The following ARFGEF1 variants were observed in gnomAD, a reference collection of about 807,000 sequenced individuals.
ARFGEF1 encodes ARF guanine nucleotide exchange factor 1, also known as brefeldin A-inhibited guanine nucleotide-exchange protein 1.
A neutral mutation model predicts 231.0 loss-of-function variants in ARFGEF1; 42 were observed. That is an observed-to-expected ratio of 0.18 (90% CI 0.14 to 0.24). The LOEUF is 0.24. Among genes scored for constraint, ARFGEF1 ranks in the 10% least tolerant of loss-of-function variants. The probability of loss-of-function intolerance (pLI) is 1.00; values close to 1 mark genes in which losing one functional copy is unlikely to be tolerated. For synonymous variants in ARFGEF1, 710 were observed against 732.3 expected (o/e 0.97, Z 0.49); for missense variants, 1,345 against 2,192.0 (o/e 0.61, Z 7.72).
At position 67,181,703 on chromosome 8, in the gene ARFGEF1, T is replaced by G. The variant is rs528808609; in HGVS notation, c.561-6131A>C. 2.4e-4 allele frequency among the ~76,000 whole-genome samples: 37 copies of G among 152,288 alleles called. 1 individual carries two copies. The South Asian group carries it at 5.6e-3, about 23-fold the overall frequency. ...ATACACATAAACATAACATTTACCA[T>G]TTTAACCATTTTAAAGTGTACATTG... On this transcript the variant is annotated intron_variant, in intron 5 of 5. Transcript: ENST00000518789.
intron 34 of ARFGEF1, among the ~76,000 whole-genome samples, chr8:67,211,131 G>A (rs919616153): frequency 6.6e-5 from 10 of 151,304 alleles, no homozygotes; most frequent in African/African-American, 2.4e-4. Context: ...AGATCACAAG[G>A]TCAGGAGTTC....
intron 22 of ARFGEF1, among the ~76,000 whole-genome samples, chr8:67,234,206 T>C (rs1341582640): frequency 1.3e-5 from 2 of 152,108 alleles, no homozygotes; most frequent in East Asian, 3.9e-4. Context: ...TTCTAGGAAC[T>C]GAATGATGTG....
intron 7 of ARFGEF1, among the ~76,000 whole-genome samples, chr8:67,283,836 C>T (rs1016350895): frequency 1.3e-5 from 2 of 152,120 alleles, no homozygotes; most frequent in Non-Finnish European, 2.9e-5. Flanking sequence ...TCTTTTAGTA[C>T]TACCAGCTGT....
At chr8:67,265,577 T>C (rs1014560689) in intron 14 of ARFGEF1, among the ~76,000 whole-genome samples, 1 of 152,026 alleles carries the variant, frequency 6.6e-6, no homozygotes, top group Non-Finnish European at 1.5e-5. Flanking sequence ...CATCAACATA[T>C]AAAAATGAAA....
intron 1 of ARFGEF1, among the ~76,000 whole-genome samples, chr8:67,306,488 C>T (rs561192553): frequency 2.0e-5 from 3 of 152,150 alleles, no homozygotes; most frequent in Admixed American, 6.5e-5. Context: ...CGAGTTATAC[C>T]TGATCTCCTA....
chr8:67,292,508 A>G (rs1254676686), intron 5 of ARFGEF1, among the ~76,000 whole-genome samples: 1 of 152,156 alleles, frequency 6.6e-6, no homozygotes, highest in Non-Finnish European at 1.5e-5. Flanking sequence ...ATGGAAAACA[A>G]GAGTGGGAGG....
intron 4 of ARFGEF1, 126 bp from the exon 5 acceptor site, chr8:67,296,736 G>C (rs1030213137): frequency 1.4e-6 from 1 of 691,466 alleles, no homozygotes. Flanking sequence ...CTGCAGCCTT[G>C]AACTCCTGGA....
chr8:67,282,526 T>C (rs1467952149), intron 7 of ARFGEF1, among the ~76,000 whole-genome samples: 1 of 152,084 alleles, frequency 6.6e-6, no homozygotes, highest in Non-Finnish European at 1.5e-5. Flanking sequence ...TCTTAAAAAT[T>C]TTTTTTGTGG....
intron 7 of ARFGEF1, among the ~76,000 whole-genome samples, chr8:67,279,591 T>C (rs1232487779): frequency 6.6e-6 from 1 of 152,216 alleles, no homozygotes; most frequent in African/African-American, 2.4e-5. Flanking sequence ...TATTTGATAT[T>C]ACTTTCCTCC....
intron 19 of ARFGEF1, among the ~76,000 whole-genome samples, chr8:67,248,177 G>A (rs1840164114): frequency 6.7e-6 from 1 of 149,504 alleles, no homozygotes; most frequent in African/African-American, 2.5e-5. Flanking sequence ...ACCCAGAATA[G>A]CCAAAGCTAT....
intron 5 of ARFGEF1, among the ~76,000 whole-genome samples, chr8:67,184,713 G>A (rs1833949861): frequency 6.8e-6 from 1 of 147,104 alleles, no homozygotes; most frequent in Non-Finnish European, 1.5e-5. Flanking sequence ...GACAGAGTGA[G>A]ATTCTGTCTA....
chr8:67,269,542 G>A (rs1056237956), intron 10 of ARFGEF1, among the ~76,000 whole-genome samples: 1 of 151,576 alleles, frequency 6.6e-6, no homozygotes, highest in Non-Finnish European at 1.5e-5. Context: ...GTAGAGATGG[G>A]GTTTCTCCAT....
At position 67,292,109 on chromosome 8, in the gene ARFGEF1, T is replaced by C. The variant is rs1806034809; in HGVS notation, c.654A>G (p.Lys218=). 1.9e-6 allele frequency: 3 copies of C among 1,611,406 alleles called. No individual in the cohort carries two copies. The South Asian group carries it at 3.3e-5, about 18-fold the overall frequency. The change falls in exon 6 of 39, where the codon AAA becomes AAG. Residue 218 remains lysine, a synonymous_variant. Coordinates refer to ENST00000262215, the MANE Select transcript of ARFGEF1 (RefSeq NM_006421.5). ...GCCGATGCCTTTCTTTTTCCATTTG[T>C]TTTGCTTCCTGTAACTGGAAATAAA... ...RMENQALQEA[K]QMEKERHRQH... is the part of the protein sequence containing the mutation.
intron 1 of ARFGEF1, among the ~76,000 whole-genome samples, chr8:67,327,667 C>T (rs1472785259): frequency 6.6e-6 from 1 of 152,168 alleles, no homozygotes; most frequent in Non-Finnish European, 1.5e-5. Context: ...AGTAGTTCTA[C>T]CACAAGACAG....
intron 1 of ARFGEF1, among the ~76,000 whole-genome samples, chr8:67,305,294 TCTG>T (rs1806686524): frequency 6.6e-6 from 1 of 152,156 alleles, no homozygotes; most frequent in Non-Finnish European, 1.5e-5. Flanking sequence ...CAGCTGAACA[TCTG>T]CAATCAACTT....
At chr8:67,234,529 C>G (rs1457109312) in intron 22 of ARFGEF1, among the ~76,000 whole-genome samples, 2 of 152,018 alleles carry the variant, frequency 1.3e-5, no homozygotes, top group Non-Finnish European at 2.9e-5. Context: ...AAACATACAA[C>G]TGTACATCAT....
intron 22 of ARFGEF1, among the ~76,000 whole-genome samples, chr8:67,236,174 T>C (rs949288602): frequency 2.0e-5 from 3 of 150,030 alleles, no homozygotes; most frequent in Non-Finnish European, 1.5e-5. Context: ...AAAAATTAGC[T>C]AGGTGTGGTG....
chr8:67,226,176 T>C lies in ARFGEF1; in HGVS notation c.3924A>G (p.Val1308=). ...TGGTCGCTGGAAAGTGTTTTTCAAA[T>C]ACAAGGGCTAAAATAGAGAAAAATA... ...FQTTGHIVTL[V]FEKHFPATID... Residue 1308 remains valine, a synonymous_variant, in exon 28 of 39, where the codon GTA becomes GTG. Transcript: ENST00000262215. The C allele has an allele frequency of 6.2e-7, 1 of 1,602,644 alleles. No homozygotes were observed. The highest frequency in any genetic ancestry group is 1.3e-5 in the African/African-American group (1 of 74,452).
chr8:67,277,907 T>C (rs889320847), intron 7 of ARFGEF1, among the ~76,000 whole-genome samples: 1 of 152,192 alleles, frequency 6.6e-6, no homozygotes, highest in African/African-American at 2.4e-5. Flanking sequence ...ATATACAGTA[T>C]GTTGTGTTTC....
Sources: gnomAD v4.1 joint callset for allele counts (sites outside exome capture counted in the v4.1 genomes callset) on GRCh38, gnomAD v4.1.1 for gene constraint, MANE v1.5 for transcripts, NCBI Gene and HGNC (gene_info 2026-07-23, HGNC 2026-07-21) for gene names.